The following NHSL1 variants were observed in gnomAD, a reference collection of about 807,000 sequenced individuals.
NHSL1 encodes NHS like 1, also known as NHS-like protein 1.
In NHSL1, 48 loss-of-function variants were observed where a neutral mutation model predicts 95.0. That is an observed-to-expected ratio of 0.51 (90% CI 0.40 to 0.64). NHSL1 has a LOEUF of 0.64. NHSL1 is among the 30% of genes least tolerant of loss of function. The pLI is 0.00. For synonymous variants in NHSL1, 783 were observed against 833.9 expected (o/e 0.94, Z 1.05); for missense variants, 1,971 against 2,077.7 (o/e 0.95, Z 1.00).
intron 1 of NHSL1, among the ~76,000 whole-genome samples, chr6:138,661,595 A>C (rs1404444599): frequency 6.6e-6 from 1 of 151,910 alleles, no homozygotes; most frequent in Non-Finnish European, 1.5e-5. Flanking sequence ...CCCGGAAGTC[A>C]AGGCTGCAGT....
chr6:138,683,551 G>C (rs911730478), intron 1 of NHSL1, among the ~76,000 whole-genome samples: 2 of 152,216 alleles, frequency 1.3e-5, no homozygotes, highest in African/African-American at 4.8e-5. Flanking sequence ...CAAAGAGAAG[G>C]AAAAGGGAAA....
At chr6:138,588,745 G>GT (rs1408897505) in intron 1 of NHSL1, among the ~76,000 whole-genome samples, 1 of 152,212 alleles carries the variant, frequency 6.6e-6, no homozygotes, top group Non-Finnish European at 1.5e-5. Flanking sequence ...AAGCTCTAGA[G>GT]AAGAGGAAAT....
At chr6:138,492,631 T>C (rs1289044576) in intron 2 of NHSL1, among the ~76,000 whole-genome samples, 2 of 152,230 alleles carry the variant, frequency 1.3e-5, no homozygotes, top group Admixed American at 6.5e-5. Flanking sequence ...ATTTATGCAT[T>C]GTTTTAAAAT....
At chr6:138,484,043 G>A (rs956729662) in intron 2 of NHSL1, among the ~76,000 whole-genome samples, 14 of 152,198 alleles carry the variant, frequency 9.2e-5, no homozygotes, top group African/African-American at 3.1e-4. Flanking sequence ...GTAATAAGAG[G>A]ATGAGAGGAG....
Position 138,678,128 on chromosome 6 carries a change from G to C in NHSL1, c.96+14348C>G, listed in dbSNP as rs78871103. ...AATTCCCTTGAAATGCAGGCTTGAGGTGGCATTTTATGGTGTCATACTATT... is the reference window on the plus strand; with the variant it reads ...AATTCCCTTGAAATGCAGGCTTGAGCTGGCATTTTATGGTGTCATACTATT... On this transcript the variant is annotated intron_variant, in intron 1 of 3. Coordinates refer to the NHSL1 transcript ENST00000491526. Among the ~76,000 whole-genome samples, 681 of 152,258 alleles carry C rather than the reference G, an allele frequency of 4.5e-3. 1 individual carries two copies. Among genetic ancestry groups the C allele is most frequent in the Non-Finnish European group, 7.8e-3 (533 of 68,030 alleles).
intron 2 of NHSL1, among the ~76,000 whole-genome samples, chr6:138,490,110 G>A (rs1779986729): frequency 6.6e-6 from 1 of 152,028 alleles, no homozygotes; most frequent in Non-Finnish European, 1.5e-5. Flanking sequence ...TATTTCTCAA[G>A]CCATACATGT....
intron 1 of NHSL1, among the ~76,000 whole-genome samples, chr6:138,676,871 C>T (rs1324670661): frequency 6.6e-6 from 1 of 152,096 alleles, no homozygotes; most frequent in Non-Finnish European, 1.5e-5. Flanking sequence ...GACAGGCTGG[C>T]CTCAAACTCC....
intron 3 of NHSL1, among the ~76,000 whole-genome samples, chr6:138,454,840 T>C (rs574893343): frequency 2.0e-5 from 3 of 152,370 alleles, no homozygotes; most frequent in East Asian, 1.9e-4. Flanking sequence ...AAATACTGAA[T>C]ATATTCACAT....
intron 1 of NHSL1, among the ~76,000 whole-genome samples, chr6:138,507,587 G>A (rs1453964416): frequency 2.0e-5 from 3 of 152,142 alleles, no homozygotes; most frequent in Non-Finnish European, 4.4e-5. Flanking sequence ...GCATAATGAG[G>A]TAAACAGAAA....
At chr6:138,522,804 T>C (rs2128309802) in intron 1 of NHSL1, among the ~76,000 whole-genome samples, 1 of 152,000 alleles carries the variant, frequency 6.6e-6, no homozygotes, top group East Asian at 1.9e-4. Context: ...AGCAAGATCC[T>C]GTCTGAAAAA....
chr6:138,505,359 T>C (rs1780903589), intron 1 of NHSL1, among the ~76,000 whole-genome samples: 2 of 152,134 alleles, frequency 1.3e-5, no homozygotes, highest in Admixed American at 1.3e-4. Flanking sequence ...TTTGAGCAAT[T>C]GAAAATGAAA....
At chr6:138,584,441 G>A (rs889801560) in intron 1 of NHSL1, among the ~76,000 whole-genome samples, 3 of 152,048 alleles carry the variant, frequency 2.0e-5, no homozygotes, top group Admixed American at 6.6e-5. Context: ...CCATGTGCAC[G>A]GCCAACTCTC....
chr6:138,566,840 G>A (rs958257934), intron 1 of NHSL1, among the ~76,000 whole-genome samples: 1 of 152,138 alleles, frequency 6.6e-6, no homozygotes, highest in Non-Finnish European at 1.5e-5. Context: ...ACATTAAGTG[G>A]CACTCACTGT....
At chr6:138,456,293 A>G (rs1308468833) in intron 3 of NHSL1, among the ~76,000 whole-genome samples, 1 of 152,212 alleles carries the variant, frequency 6.6e-6, no homozygotes, top group Admixed American at 6.5e-5. Flanking sequence ...GAGCTCTGAC[A>G]GGTGGAAAAG....
chr6:138,544,692 T>C (rs1782713697), intron 1 of NHSL1, among the ~76,000 whole-genome samples: 1 of 152,120 alleles, frequency 6.6e-6, no homozygotes, highest in South Asian at 2.1e-4. Context: ...CAGAATGACA[T>C]ACACTGAAAG....
In NHSL1 at chr6:138,499,334, A is replaced by G; in HGVS notation, c.-44T>C. On this transcript the variant is annotated 5_prime_UTR_variant, in exon 1 of 8. Transcript: ENST00000343505. ...GAGCTTAGAAATGTAAATCACATTAAAAGCTCAGCCCAGTAGGCAGGTGGC... is the reference window on the plus strand; with the variant it reads ...GAGCTTAGAAATGTAAATCACATTAGAAGCTCAGCCCAGTAGGCAGGTGGC... The G allele has an allele frequency of 1.3e-6, 2 of 1,547,926 alleles. No homozygotes were observed. Among genetic ancestry groups the G allele is most frequent in the South Asian group, 2.4e-5 (2 of 83,846 alleles).
chr6:138,665,647 A>C (rs1319465391), intron 1 of NHSL1, among the ~76,000 whole-genome samples: 1 of 152,222 alleles, frequency 6.6e-6, no homozygotes, highest in Non-Finnish European at 1.5e-5. Flanking sequence ...CAAATTATTA[A>C]TACTAATTCC....
chr6:138,424,191 G>T lies in NHSL1; in HGVS notation c.4711C>A (p.Pro1571Thr). The change falls in exon 8 of 8, where the codon CCT becomes ACT. Residue 1571 changes from proline (P) to threonine (T), a missense_variant. Physicochemically the swap from Pro to Thr is conservative, Grantham distance 38 (BLOSUM62 -1). Coordinates refer to ENST00000343505, the MANE Select transcript of NHSL1 (RefSeq NM_001144060.2). This position sits in a 1 kb window ranked among gnomAD's most constrained non-coding sequence, Gnocchi z 5.9. The part of the protein sequence containing the change: ...DEGGLLCGEG[P>T]AASLQPQAPG... The stretch of plus-strand genomic sequence containing the variant: ...GCCTGGGGCTGCAGGGAGGCGGCAG[G>T]CCCCTCCCCACAGAGCAGGCCGCCC... 6.8e-7 allele frequency: 1 copy of T among 1,479,448 alleles called. No homozygotes were observed. The allele number at this position is 1,479,448 out of a possible 1,614,324, so 91.6% of individuals were successfully genotyped here.
chr6:138,598,459 G>A (rs1319445542), intron 1 of NHSL1, among the ~76,000 whole-genome samples: 3 of 142,230 alleles, frequency 2.1e-5, no homozygotes, highest in African/African-American at 2.6e-5. Flanking sequence ...CTCCATCTTG[G>A]AAAAAAAAAA....
Sources: gnomAD v4.1 joint callset for allele counts (sites outside exome capture counted in the v4.1 genomes callset) on GRCh38, gnomAD v4.1.1 for gene constraint, Gnocchi (gnomAD v3.1) non-coding constraint, MANE v1.5 for transcripts, NCBI Gene and HGNC (gene_info 2026-07-23, HGNC 2026-07-21) for gene names.